CIAO3: variants seen among roughly 807,000 people sequenced by gnomAD.
CIAO3 encodes cytosolic iron-sulfur assembly component 3, also known as LET1 like/JFP15.
A neutral mutation model predicts 51.5 loss-of-function variants in CIAO3; 45 were observed. The observed-to-expected ratio is 0.87, with a 90% CI of 0.69 to 1.12. The LOEUF is 1.12. Ranked by LOEUF, CIAO3 falls within the 50% of genes most tolerant of loss-of-function variation. The pLI is 0.00. For missense variants in CIAO3, 668 were observed against 632.5 expected (o/e 1.06, Z -0.60); for synonymous variants, 314 against 269.3 (o/e 1.17, Z -1.63).
Position 729,891 on chromosome 16 carries a change from G to GT in CIAO3, c.*525dup. ...TTGGCTTGCCCCGGACCACAGCCTC[G>GT]TAACGGTAACCCCTGCTTTCCAGGG... On this transcript the variant is annotated 3_prime_UTR_variant, in exon 11 of 11. Transcript: ENST00000251588. 2.6e-6 allele frequency: 1 copy of GT among 391,648 alleles called. No homozygotes were observed. 24.3% of individuals were successfully genotyped at this position (391,648 alleles called of 1,614,324 possible). A position where few individuals can be genotyped will look rare whatever the true frequency, so the allele number is the denominator to read the frequency against.
intron 3 of CIAO3, 26 bp from the exon 4 acceptor site, chr16:736,424 T>C (rs1161258310): frequency 8.7e-6 from 14 of 1,611,816 alleles, no homozygotes; most frequent in Non-Finnish European, 1.1e-5. Flanking sequence ...AAGACGCTGC[T>C]TACTCTGCTG....
intron 7 of CIAO3, chr16:732,965 A>G: frequency 2.9e-6 from 1 of 345,718 alleles, no homozygotes; most frequent in Non-Finnish European, 5.5e-6. Flanking sequence ...CACATTTGGG[A>G]GACTGTGGGG....
intron 2 of CIAO3, chr16:739,350 A>G (rs2041369671): frequency 2.3e-6 from 1 of 437,666 alleles, no homozygotes; most frequent in African/African-American, 2.0e-5. Context: ...GAATTAGAAA[A>G]TCTTACATGG....
chr16:730,952 C>T lies in CIAO3; in HGVS notation c.1083G>A (p.Leu361=), dbSNP rs1299057954. 2 of 1,613,014 alleles carry T rather than the reference C, an allele frequency of 1.2e-6. No homozygotes were observed. The highest frequency in any genetic ancestry group is 2.2e-5 in the East Asian group (1 of 44,888). ...AGCCGTACGCCATTGCGAAGTGCAG[C>T]AGCACCTGGCCCTCCTTCTCCAGTG... ...EVTLEKEGQV[L]LHFAMAYGFR... The change falls in exon 10 of 11, where the codon CTG becomes CTA. Residue 361 remains leucine (L), a synonymous_variant. Coordinates refer to ENST00000251588, the MANE Select transcript of CIAO3 (RefSeq NM_022493.3).
At chr16:739,336 G>T in intron 2 of CIAO3, 2 of 391,824 alleles carry the variant, frequency 5.1e-6, no homozygotes, top group South Asian at 5.4e-5. Flanking sequence ...AGAACGAGGG[G>T]TCTGAATTAG....
Position 733,004 on chromosome 16 carries a change from T to C in CIAO3, c.823+294A>G, listed in dbSNP as rs2071951. On this transcript the variant is annotated intron_variant, in intron 7 of 10. Coordinates refer to ENST00000251588, the MANE Select transcript of CIAO3 (RefSeq NM_022493.3). ...CTCGACTCAGGAATGGGGTGACTCA[T>C]GGGAGCTGAAGAGGCTGCATTCGAG... is the stretch of plus-strand genomic sequence containing the variant. 113,344 of 397,014 alleles carry C rather than the reference T, an allele frequency of 0.29. 21,166 individuals are homozygous for C. The highest frequency in any genetic ancestry group is 0.82 in the East Asian group (15,044 of 18,368). 24.6% of individuals were successfully genotyped at this position (397,014 alleles called of 1,614,324 possible).
Position 734,846 on chromosome 16 carries a change from G to C in CIAO3, c.465C>G (p.Ala155=), listed in dbSNP as rs139893800. The change falls in exon 5 of 11, where the codon GCC becomes GCG. Residue 155 remains alanine, a synonymous_variant. Transcript: ENST00000251588. ...KIGVHFVFDT[A]FSRHFSLLES... is the part of the protein sequence containing the mutation. The stretch of plus-strand genomic sequence containing the variant: ...CCAGGAGGCTGAAGTGCCTTGAGAA[G>C]GCGGTGTCGAAGACGAAGTGCACCC... 1.3e-6 allele frequency: 2 copies of C among 1,576,340 alleles called. No individual in the cohort carries two copies. Among genetic ancestry groups the C allele is most frequent in the African/African-American group, 2.7e-5 (2 of 74,256 alleles).
chr16:731,078 G>A, intron 9 of CIAO3, 78 bp from the exon 10 acceptor site: 4 of 1,569,806 alleles, frequency 2.5e-6, no homozygotes, highest in African/African-American at 1.3e-5. Context: ...GGCCTGCTGG[G>A]CTTCAGGGGA....
rs561739858 is a variant in CIAO3, at chr16:736,394, G to A, written c.311C>T (p.Ala104Val). 19 of 1,612,630 alleles carry A rather than the reference G, an allele frequency of 1.2e-5. No homozygotes were observed. The highest frequency in any genetic ancestry group is 2.2e-5 in the East Asian group (1 of 44,886). The change falls in exon 4 of 11, where the codon GCG becomes GTG. Residue 104 changes from alanine to valine, a missense_variant. Transcript: ENST00000251588. ...LKKVLDANKMAAPSQQRLVVV... is the reference protein window; with the variant it reads ...LKKVLDANKMVAPSQQRLVVV... ...AACCAGCCTCTGCTGACTGGGTGCC[G>A]CCATCTGCAAAGCAAGGGGAAGACG...
At chr16:734,421 A>G in intron 5 of CIAO3, 74 bp from the exon 6 acceptor site, 1 of 1,103,972 alleles carries the variant, frequency 9.1e-7, no homozygotes, top group East Asian at 2.4e-5. Context: ...GCAGCACGAC[A>G]TTCTGGGGGC....
rs1299248158 is a variant in CIAO3, at chr16:737,421, C to T, written c.163-92G>A. On this transcript the variant is annotated intron_variant, in intron 2 of 10. Coordinates refer to ENST00000251588, the MANE Select transcript of CIAO3 (RefSeq NM_022493.3). The surrounding 1 kb of genome is among the most constrained non-coding windows in gnomAD (Gnocchi z 5.3). ...TGGAGTCCAGCTCATAACCGACAAC[C>T]AACATGGCTGCTGGCTGGGCTTGTG... The T allele has an allele frequency of 1.9e-6, 3 of 1,590,350 alleles. No homozygotes were observed. Among genetic ancestry groups the T allele is most frequent in the Non-Finnish European group, 2.6e-6 (3 of 1,166,456 alleles).
intron 8 of CIAO3, 65 bp from the exon 9 acceptor site, chr16:731,767 C>T (rs2041285911): frequency 6.8e-7 from 1 of 1,472,786 alleles, no homozygotes; most frequent in South Asian, 1.4e-5. Context: ...CGAGCAGGGC[C>T]TCTGTCCCTC....
intron 4 of CIAO3, 37 bp from the exon 5 acceptor site, chr16:734,908 C>T (rs747215395): frequency 4.5e-5 from 69 of 1,517,054 alleles, no homozygotes; most frequent in Non-Finnish European, 5.5e-5. Context: ...TAACCCCATG[C>T]GGGACGCCCA....
intron 3 of CIAO3, 76 bp from the exon 4 acceptor site, chr16:736,474 G>A: frequency 6.3e-7 from 1 of 1,582,404 alleles, no homozygotes; most frequent in Non-Finnish European, 8.6e-7. Flanking sequence ...CGCACGGTGA[G>A]ATGCTGTCAG....
chr16:734,554 C>T (rs1033601792), intron 5 of CIAO3, 183 bp downstream of exon 5: 1 of 1,165,634 alleles, frequency 8.6e-7, no homozygotes, highest in Non-Finnish European at 1.3e-6. Flanking sequence ...CTGCGCGTGG[C>T]TCCCACGGGA....
chr16:734,721 C>A lies in CIAO3; in HGVS notation c.574+16G>T, dbSNP rs201845857. 1.2e-5 allele frequency: 20 copies of A among 1,612,672 alleles called. 1 individual carries two copies. In the South Asian group the frequency reaches 1.3e-4, roughly 11 times the overall value. On this transcript the variant is annotated intron_variant, in intron 5 of 10. Coordinates refer to ENST00000251588, the MANE Select transcript of CIAO3 (RefSeq NM_022493.3). ...ACTTGAACTTGACTCTCCCACCACCCGCACCATGAGCACACCTGGGCAGGC... is the reference window on the plus strand; with the variant it reads ...ACTTGAACTTGACTCTCCCACCACCAGCACCATGAGCACACCTGGGCAGGC...
intron 4 of CIAO3, 58 bp from the exon 5 acceptor site, chr16:734,929 C>T (rs1375934267): frequency 2.7e-5 from 40 of 1,485,160 alleles, no homozygotes; most frequent in Admixed American, 9.6e-5. Flanking sequence ...CACGAGCACA[C>T]GCCGGCGTGT....
chr16:738,274 T>G (rs1018797152), intron 2 of CIAO3: 1 of 987,418 alleles, frequency 1.0e-6, no homozygotes, highest in Admixed American at 6.0e-5. Flanking sequence ...AAATCGTCTC[T>G]TGGTGCAGTG....
At position 734,289 on chromosome 16, in the gene CIAO3, G is replaced by A. The variant is rs747993603; in HGVS notation, c.633C>T (p.Thr211=). ...CCATGACCTGCTGCGGGGACCGGGC[G>A]GTGCTGATGTGGGGGAGGATGAAGC... ...HGSFILPHIS[T]ARSPQQVMGS... The change falls in exon 6 of 11, where the codon ACC becomes ACT. Residue 211 remains threonine, a synonymous_variant. Transcript: ENST00000251588. 5.4e-5 allele frequency: 87 copies of A among 1,611,950 alleles called. 2 individuals are homozygous for A. The South Asian group carries it at 6.8e-4, about 13-fold the overall frequency.
Sources: gnomAD v4.1 joint callset for allele counts on GRCh38, gnomAD v4.1.1 for gene constraint, Gnocchi (gnomAD v3.1) non-coding constraint, MANE v1.5 for transcripts, NCBI Gene and HGNC (gene_info 2026-07-23, HGNC 2026-07-21) for gene names.